The following SYNE3 variants were observed in gnomAD, a reference collection of about 807,000 sequenced individuals.
The protein encoded by SYNE3 is spectrin repeat containing nuclear envelope family member 3, also known as nesprin-3.
A neutral mutation model predicts 111.2 loss-of-function variants in SYNE3; 100 were observed. That is an observed-to-expected ratio of 0.90 (90% CI 0.77 to 1.06). The LOEUF (loss-of-function observed/expected upper bound fraction) is 1.06, where lower values mean the gene tolerates loss of function less well. Ranked by LOEUF, SYNE3 falls within the 50% of genes least tolerant of loss-of-function variation. The pLI, the probability that SYNE3 is intolerant of heterozygous loss-of-function variation, is 0.00. For missense variants in SYNE3, 1,160 were observed against 1,240.3 expected, an observed-to-expected ratio of 0.94 and a Z score of 0.97; for synonymous variants, 547 against 533.9, an observed-to-expected ratio of 1.02 and a Z score of -0.34.
intron 4 of SYNE3, among the ~76,000 whole-genome samples, chr14:95,464,993 G>C (rs1446933873): frequency 3.3e-5 from 5 of 152,226 alleles, no homozygotes; most frequent in Non-Finnish European, 5.9e-5. Context: ...AAAGAACAGG[G>C]AGACATAATA....
At position 95,444,506 on chromosome 14, in the gene SYNE3, C is replaced by T. The variant is rs779424527; in HGVS notation, c.1755G>A (p.Gln585=). The T allele has an allele frequency of 2.6e-5, 42 of 1,612,484 alleles. 1 individual carries two copies. In the South Asian group the frequency reaches 4.5e-4, roughly 17 times the overall value. ...KGLQRDLPGK[Q]AQLSRLQGLQ... is the part of the protein sequence containing the mutation. Reference sequence around the variant, plus strand: ...TCACCTGCAACCTTGAGAGCTGGGCCTGTTTTCCAGGAAGGTCCCGCTGAA... The same window carrying T: ...TCACCTGCAACCTTGAGAGCTGGGCTTGTTTTCCAGGAAGGTCCCGCTGAA... Residue 585 remains glutamine, a synonymous_variant, in exon 10 of 18, where the codon CAG becomes CAA. Coordinates refer to ENST00000682763, the MANE Select transcript of SYNE3 (RefSeq NM_152592.6).
intron 1 of SYNE3, among the ~76,000 whole-genome samples, chr14:95,507,092 G>T (rs1890556309): frequency 1.3e-5 from 2 of 152,332 alleles, no homozygotes; most frequent in South Asian, 4.1e-4. Context: ...CCACCTTACA[G>T]CAAAGAGAGT....
chr14:95,479,139 A>C (rs1424556536), intron 1 of SYNE3, among the ~76,000 whole-genome samples: 1 of 150,800 alleles, frequency 6.6e-6, no homozygotes, highest in African/African-American at 2.5e-5. Context: ...TCATGCCTGT[A>C]ATCCCAGCAG....
intron 1 of SYNE3, among the ~76,000 whole-genome samples, chr14:95,478,500 C>T (rs1050709766): frequency 2.6e-5 from 4 of 152,126 alleles, no homozygotes; most frequent in Non-Finnish European, 4.4e-5. Context: ...TTCTGCCCGT[C>T]GGACCCCTCC....
intron 2 of SYNE3, among the ~76,000 whole-genome samples, 182 bp downstream of exon 2, chr14:95,475,496 T>C (rs1408133450): frequency 6.6e-6 from 1 of 151,986 alleles, no homozygotes; most frequent in Non-Finnish European, 1.5e-5. Flanking sequence ...GGACTTCACC[T>C]CCATGACCCG....
intron 17 of SYNE3, among the ~76,000 whole-genome samples, chr14:95,421,016 A>T (rs112660574): frequency 6.6e-6 from 1 of 152,216 alleles, no homozygotes; most frequent in East Asian, 1.9e-4. Flanking sequence ...TGATGGTTTT[A>T]TAAGGGGTTT....
In SYNE3 at chr14:95,408,933, C is replaced by T. The variant is rs1247767673; in HGVS notation, c.*8893G>A. On this transcript the variant is annotated 3_prime_UTR_variant, in exon 18 of 18. Coordinates refer to ENST00000682763, the MANE Select transcript of SYNE3 (RefSeq NM_152592.6). ...GGGAAGGTAGACAGACAGTGGGTAC[C>T]TGCTCCCGTCCCCTGGGACCTCATC... The T allele has an allele frequency of 2.8e-6, 1 of 354,972 alleles. No homozygotes were observed. Among genetic ancestry groups the T allele is most frequent in the Non-Finnish European group, 5.6e-6 (1 of 179,058 alleles). 22.0% of individuals were successfully genotyped at this position (354,972 alleles called of 1,614,324 possible). A position where few individuals can be genotyped will look rare whatever the true frequency, so the allele number is the denominator to read the frequency against.
At chr14:95,488,409 C>T (rs1045183674) in intron 1 of SYNE3, among the ~76,000 whole-genome samples, 1 of 152,220 alleles carries the variant, frequency 6.6e-6, no homozygotes, top group Admixed American at 6.5e-5. Context: ...TGGATTCATG[C>T]ACCCACGGAT....
chr14:95,422,870 G>C (rs1447207295), intron 17 of SYNE3, among the ~76,000 whole-genome samples: 2 of 152,242 alleles, frequency 1.3e-5, no homozygotes, highest in Non-Finnish European at 2.9e-5. Flanking sequence ...CCCAGGAAGG[G>C]GGTGTGGCCA....
intron 4 of SYNE3, among the ~76,000 whole-genome samples, chr14:95,461,039 A>G (rs1211636250): frequency 6.6e-6 from 1 of 152,246 alleles, no homozygotes; most frequent in East Asian, 1.9e-4. Flanking sequence ...CAGGCATAAC[A>G]GTCACAGGGC....
At chr14:95,502,606 C>A (rs1381099611) in intron 1 of SYNE3, among the ~76,000 whole-genome samples, 1 of 152,120 alleles carries the variant, frequency 6.6e-6, no homozygotes, top group African/African-American at 2.4e-5. Context: ...CCCCGCAAGC[C>A]CACGTGCCAA....
In SYNE3 at chr14:95,509,651, C is replaced by A. The variant is rs531179071; in HGVS notation, c.-15+6945G>T. Among the ~76,000 whole-genome samples the A allele has an allele frequency of 3.2e-4, 48 of 152,340 alleles. 1 individual carries two copies. The highest frequency in any genetic ancestry group is 8.4e-4 in the African/African-American group (35 of 41,578). On this transcript the variant is annotated intron_variant, in intron 1 of 17. Coordinates refer to ENST00000682763, the MANE Select transcript of SYNE3 (RefSeq NM_152592.6). ...CTTAAGGAACGAGGCTACCCCAGTG[C>A]GTCAGCCAGCTGCATTATTTCAGCA...
intron 14 of SYNE3, chr14:95,438,738 C>T (rs1886236915): frequency 3.3e-6 from 1 of 300,056 alleles, no homozygotes; most frequent in Admixed American, 4.3e-5. Flanking sequence ...ACTCTCTTCC[C>T]TGCAGGAGCT....
At chr14:95,493,178 T>C (rs1316396228) in intron 1 of SYNE3, among the ~76,000 whole-genome samples, 1 of 152,152 alleles carries the variant, frequency 6.6e-6, no homozygotes, top group Non-Finnish European at 1.5e-5. Context: ...GGTGCCAATG[T>C]AAAGGAAGCT....
chr14:95,408,230 AG>A lies in SYNE3; in HGVS notation c.*9595del, dbSNP rs1903334852. 1 of 145,140 alleles carries A rather than the reference AG, an allele frequency of 6.9e-6. No homozygotes were observed. The highest frequency in any genetic ancestry group is 7.3e-5 in the Admixed American group (1 of 13,652). 9.0% of individuals were successfully genotyped at this position (145,140 alleles called of 1,614,324 possible). On this transcript the variant is annotated 3_prime_UTR_variant, in exon 18 of 18. Transcript: ENST00000682763. ...CATCTGGGTGGGGGGCTTTGGAATG[AG>A]GGCTCTGGTCTTTCGGACTTGAAAT...
chr14:95,482,370 G>T (rs2039972304), intron 1 of SYNE3, among the ~76,000 whole-genome samples: 1 of 152,196 alleles, frequency 6.6e-6, no homozygotes, highest in South Asian at 2.1e-4. Context: ...GGAGGCAGAG[G>T]TTGCACTGAG....
chr14:95,440,117 G>A, intron 11 of SYNE3, 42 bp from the exon 12 acceptor site: 1 of 1,548,870 alleles, frequency 6.5e-7, no homozygotes, highest in South Asian at 1.2e-5. Context: ...CTGAGTGCTG[G>A]CCGAGGGGGA....
At chr14:95,494,418 G>A (rs1045383836) in intron 1 of SYNE3, among the ~76,000 whole-genome samples, 5 of 152,232 alleles carry the variant, frequency 3.3e-5, no homozygotes, top group Non-Finnish European at 7.3e-5. Context: ...ATAACGAGTG[G>A]ATGGACTGGC....
At chr14:95,457,559 A>G (rs1270076737) in intron 4 of SYNE3, among the ~76,000 whole-genome samples, 1 of 152,166 alleles carries the variant, frequency 6.6e-6, no homozygotes. Flanking sequence ...AGACCAGAGC[A>G]TGTTGGCACT....
Sources: allele counts gnomAD v4.1 joint callset (sites outside exome capture counted in the v4.1 genomes callset), GRCh38; gene constraint gnomAD v4.1.1; transcripts MANE v1.5; gene names NCBI Gene and HGNC (gene_info 2026-07-23, HGNC 2026-07-21).